ARHGEF1: variants seen among roughly 807,000 people sequenced by gnomAD.
The protein encoded by ARHGEF1 is Rho guanine nucleotide exchange factor 1.
ARHGEF1 carries 40 observed loss-of-function variants against 119.7 expected under a neutral mutation model. The observed-to-expected ratio is 0.33, with a 90% CI of 0.26 to 0.44. The LOEUF (loss-of-function observed/expected upper bound fraction) is 0.44, where lower values mean the gene tolerates loss of function less well. Ranked by LOEUF, ARHGEF1 falls within the 20% of genes least tolerant of loss-of-function variation. The probability of loss-of-function intolerance (pLI) is 1.00; values close to 1 mark genes in which losing one functional copy is unlikely to be tolerated. For missense variants in ARHGEF1, 976 were observed against 1,268.3 expected, an observed-to-expected ratio of 0.77 and a Z score of 3.50; for synonymous variants, 494 against 521.0, an observed-to-expected ratio of 0.95 and a Z score of 0.71.
intron 18 of ARHGEF1, among the ~76,000 whole-genome samples, chr19:41,913,477 C>A (rs1555851450): frequency 6.6e-6 from 1 of 151,644 alleles, no homozygotes; most frequent in Non-Finnish European, 1.5e-5. Flanking sequence ...CCAGCCCAGG[C>A]GCAGCCCTGA....
chr19:41,896,329 C>CGGTG, intron 12 of ARHGEF1, 48 bp from the exon 13 acceptor site: 2 of 1,085,382 alleles, frequency 1.8e-6, no homozygotes, highest in Non-Finnish European at 2.4e-6. Context: ...GTGTGGGTCT[C>CGGTG]GTGGCCGCAG....
At chr19:41,927,103 G>C (rs782682822) in intron 1 of ARHGEF1, among the ~76,000 whole-genome samples, 15 of 152,142 alleles carry the variant, frequency 9.9e-5, no homozygotes, top group Non-Finnish European at 1.9e-4. Flanking sequence ...GTGAGAGACA[G>C]AGATAGAGAG....
chr19:41,892,219 G>T lies in ARHGEF1; in HGVS notation c.324+96G>T. The T allele has an allele frequency of 6.4e-7, 1 of 1,565,366 alleles. No homozygotes were observed. Among genetic ancestry groups the T allele is most frequent in the Non-Finnish European group, 8.8e-7 (1 of 1,140,960 alleles). On this transcript the variant is annotated intron_variant, in intron 5 of 28. Transcript: ENST00000354532. This position sits in a 1 kb window ranked among gnomAD's most constrained non-coding sequence, Gnocchi z 6.3. ...AGCCTCTGCCCTGAGGGCAGCTGCT[G>T]ACCCAGGCCTTCCCCAGCACCCTCG...
At chr19:41,912,641 C>G (rs1484235204) in intron 18 of ARHGEF1, among the ~76,000 whole-genome samples, 1 of 152,236 alleles carries the variant, frequency 6.6e-6, no homozygotes, top group African/African-American at 2.4e-5. Flanking sequence ...ACCCACCTAT[C>G]CCCCCAGCAC....
upstream of ARHGEF1, among the ~76,000 whole-genome samples, chr19:41,919,943 G>A (rs72480767): frequency 1.5e-3 from 214 of 138,900 alleles, 3 homozygotes; most frequent in East Asian, 0.039. Flanking sequence ...GACATGATAC[G>A]CCCAGACGTG....
At chr19:41,898,115 T>G in intron 13 of ARHGEF1, 2 of 1,372,810 alleles carry the variant, frequency 1.5e-6, no homozygotes, top group Admixed American at 3.5e-5. Context: ...ACGAGCCACG[T>G]ATGTCAACCC....
intron 14 of ARHGEF1, among the ~76,000 whole-genome samples, chr19:41,901,596 C>T (rs1236296768): frequency 6.6e-6 from 1 of 152,196 alleles, no homozygotes; most frequent in African/African-American, 2.4e-5. Context: ...CACACACCAA[C>T]ATGCCTGGGC....
At chr19:41,918,397 T>TA (rs1410702621), upstream of ARHGEF1, among the ~76,000 whole-genome samples, 1 of 126,192 alleles carries the variant, frequency 7.9e-6, no homozygotes, top group African/African-American at 3.2e-5. Flanking sequence ...CACATACACA[T>TA]ACCATATCAC....
chr19:41,914,587 CTTT>C lies in ARHGEF1; in HGVS notation c.1865+7785_1865+7787del, dbSNP rs2074777627. Among the ~76,000 whole-genome samples the C allele has an allele frequency of 1.9e-4, 13 of 70,260 alleles. 3 individuals are homozygous for C. Among genetic ancestry groups the C allele is most frequent in the South Asian group, 6.3e-4 (1 of 1,594 alleles). 46.1% of individuals were successfully genotyped at this position (70,260 alleles called of 152,430 possible). On this transcript the variant is annotated intron_variant, in intron 18 of 20. Transcript: ENST00000599589. ...CATCTCTGTCTCCGTCTCTCCCTCC[CTTT>C]CCACCATCTCTGTCTCTCCCTCCCC...
intron 12 of ARHGEF1, 41 bp from the exon 13 acceptor site, chr19:41,896,336 G>T (rs557906235): frequency 8.8e-7 from 1 of 1,130,752 alleles, no homozygotes; most frequent in East Asian, 3.1e-5. Context: ...TCTCGTGGCC[G>T]CAGAGGCCTT....
chr19:41,900,258 C>T (rs1338781820), intron 14 of ARHGEF1, among the ~76,000 whole-genome samples: 2 of 152,038 alleles, frequency 1.3e-5, no homozygotes, highest in Non-Finnish European at 2.9e-5. Context: ...TGCTTGAACC[C>T]AGGAAGCAGG....
At position 41,898,570 on chromosome 19, in the gene ARHGEF1, G is replaced by A. The variant is rs1220074521; in HGVS notation, c.1250G>A (p.Arg417Gln). ...AGCCTGCCCAAGAGCCAGGTGAAGC[G>A]GCAGGAGGTCATCAGCGGTGAGTAC... is the stretch of plus-strand genomic sequence containing the variant. ...LHSLPKSQVK[R>Q]QEVISELLVT... The change falls in exon 14 of 29, where the codon CGG (arginine) becomes CAG (glutamine). Residue 417 changes from arginine to glutamine, a missense_variant. Arg to Gln is a conservative substitution (Grantham distance 43). Around this residue, in one of 3 missense-constraint regions of ARHGEF1, gnomAD observed 286 missense variants for 506.8 expected, o/e 0.56. Transcript: ENST00000354532. 5 of 1,584,068 alleles carry A rather than the reference G, an allele frequency of 3.2e-6. No homozygotes were observed. Among genetic ancestry groups the A allele is most frequent in the Non-Finnish European group, 4.3e-6 (5 of 1,165,622 alleles).
Position 41,894,214 on chromosome 19 carries a change from G to A in ARHGEF1, c.652G>A (p.Val218Met), listed in dbSNP as rs149720220. 7.8e-6 allele frequency: 12 copies of A among 1,533,788 alleles called. No homozygotes were observed. Among genetic ancestry groups the A allele is most frequent in the Admixed American group, 2.1e-5 (1 of 48,132 alleles). Residue 218 changes from valine to methionine, a missense_variant, in exon 9 of 29, where the codon GTG becomes ATG. This residue lies in a region of ARHGEF1 where 519 missense variants were observed against 580.9 expected (regional missense o/e 0.89). Coordinates refer to ENST00000354532, the MANE Select transcript of ARHGEF1 (RefSeq NM_004706.4). ...ISTDEEKSAA[V>M]VNAIGLYMRH... ...ACTGTCCCTTCCCTACAGTGCTGCC[G>A]TGGTCAACGCCATTGGCCTGTACAT...
intron 1 of ARHGEF1, among the ~76,000 whole-genome samples, chr19:41,926,466 G>A (rs987221288): frequency 3.9e-5 from 6 of 152,100 alleles, no homozygotes; most frequent in Admixed American, 3.9e-4. Flanking sequence ...TTAGTTACCT[G>A]AGGCCACAGG....
At position 41,914,639 on chromosome 19, in the gene ARHGEF1, C is replaced by T. The variant is rs199977633; in HGVS notation, c.1865+7836C>T. Among the ~76,000 whole-genome samples the T allele has an allele frequency of 2.1e-4, 8 of 38,310 alleles. 1 individual carries two copies. Among genetic ancestry groups the T allele is most frequent in the African/African-American group, 9.1e-4 (4 of 4,378 alleles). The allele number at this position is 38,310 out of a possible 152,430, so 25.1% of individuals were successfully genotyped here. A position where few individuals can be genotyped will look rare whatever the true frequency, so the allele number is the denominator to read the frequency against. On this transcript the variant is annotated intron_variant, in intron 18 of 20. Transcript: ENST00000599589. ...CCTTCCACCATCTCTGTCTCTGTCT[C>T]TCCCTCCCTTTCCACCATCTCTGTC...
At chr19:41,919,599 C>T (rs11878555), upstream of ARHGEF1, among the ~76,000 whole-genome samples, 40,427 of 151,962 alleles carry the variant, frequency 0.27, 11,577 homozygotes, top group African/African-American at 0.72. Flanking sequence ...CAGCAACCCC[C>T]GAACACCAAC....
In ARHGEF1 at chr19:41,914,595, C is replaced by CGTCTCT. The variant is rs1568831646; in HGVS notation, c.1865+7792_1865+7793insGTCTCT. 9.1e-5 allele frequency among the ~76,000 whole-genome samples: 5 copies of CGTCTCT among 55,020 alleles called. 1 individual carries two copies. The highest frequency in any genetic ancestry group is 4.3e-4 in the Admixed American group (2 of 4,598). The allele number at this position is 55,020 out of a possible 152,430, so 36.1% of individuals were successfully genotyped here. A position where few individuals can be genotyped will look rare whatever the true frequency, so the allele number is the denominator to read the frequency against. On this transcript the variant is annotated intron_variant, in intron 18 of 20. Coordinates refer to the ARHGEF1 transcript ENST00000599589. ...TCTCCGTCTCTCCCTCCCTTTCCAC[C>CGTCTCT]ATCTCTGTCTCTCCCTCCCCTTCCA...
At position 41,906,467 on chromosome 19, in the gene ARHGEF1, G is replaced by C; in HGVS notation, c.2502G>C (p.Leu834=). ...AATALRKVLS[L]KQLLFPAEED... is the part of the protein sequence containing the mutation. Reference sequence around the variant, plus strand: ...CTTGCCCCTGGCCAGTGCTGTCCCTGAAGCAGCTTCTGTTTCCGGCGGAGG... The same window carrying C: ...CTTGCCCCTGGCCAGTGCTGTCCCTCAAGCAGCTTCTGTTTCCGGCGGAGG... Residue 834 remains leucine (L), a synonymous_variant, in exon 27 of 29, where the codon CTG becomes CTC. Transcript: ENST00000354532. This position sits in a 1 kb window ranked among gnomAD's most constrained non-coding sequence, Gnocchi z 4.5. The C allele has an allele frequency of 6.4e-7, 1 of 1,573,652 alleles. No homozygotes were observed. The highest frequency in any genetic ancestry group is 8.6e-7 in the Non-Finnish European group (1 of 1,167,084).
chr19:41,925,490 G>A (rs997554123), intron 1 of ARHGEF1, among the ~76,000 whole-genome samples: 1 of 152,158 alleles, frequency 6.6e-6, no homozygotes, highest in Non-Finnish European at 1.5e-5. Context: ...GAGAGGCAAA[G>A]ACAGTGCAAG....
Sources: gnomAD v4.1 joint callset for allele counts (sites outside exome capture counted in the v4.1 genomes callset) on GRCh38, gnomAD v4.1.1 for gene constraint, gnomAD v4.1.1 regional missense constraint, Gnocchi (gnomAD v3.1) non-coding constraint, MANE v1.5 for transcripts, NCBI Gene and HGNC (gene_info 2026-07-23, HGNC 2026-07-21) for gene names.